MEOX2: variants seen among roughly 807,000 people sequenced by gnomAD.
The protein encoded by MEOX2 is homeobox protein MOX-2.
MEOX2 carries 11 observed loss-of-function variants against 27.0 expected under a neutral mutation model. The ratio of observed to expected loss-of-function variants is 0.41; its 90% CI spans 0.26 to 0.68. The LOEUF is 0.68. Among genes scored for constraint, MEOX2 ranks in the 30% least tolerant of loss-of-function variants. The pLI is 0.33. For synonymous variants in MEOX2, 189 were observed against 155.4 expected, an observed-to-expected ratio of 1.22 and a Z score of -1.61; for missense variants, 436 against 385.4, an observed-to-expected ratio of 1.13 and a Z score of -1.10.
At chr7:15,628,957 A>G (rs2892794) in intron 1 of MEOX2, among the ~76,000 whole-genome samples, 99,717 of 151,948 alleles carry the variant, frequency 0.66, 32,988 homozygotes, top group East Asian at 0.81. Context: ...ACTTTTGCCA[A>G]TTTGGATCCC....
intron 2 of MEOX2, among the ~76,000 whole-genome samples, chr7:15,626,375 C>G (rs898252137): frequency 6.6e-6 from 1 of 151,988 alleles, no homozygotes; most frequent in Admixed American, 6.6e-5. Flanking sequence ...CTGAGCAATA[C>G]AGAAAACTAA....
chr7:15,635,784 C>T lies in MEOX2; in HGVS notation c.518-8866G>A, dbSNP rs556263143. 9.2e-5 allele frequency among the ~76,000 whole-genome samples: 14 copies of T among 152,018 alleles called. No individual in the cohort carries two copies. The South Asian group carries it at 2.3e-3, about 25-fold the overall frequency. ...CACTTTACATTGAAAAATGGTTGGG[C>T]CCCTAAAAGTATCTATGTGTTATTT... On this transcript the variant is annotated intron_variant, in intron 1 of 2. Transcript: ENST00000262041.
chr7:15,682,371 TTA>T, intron 1 of MEOX2, among the ~76,000 whole-genome samples: 1 of 151,938 alleles, frequency 6.6e-6, no homozygotes, highest in South Asian at 2.1e-4. Flanking sequence ...AAGTTCCAAC[TTA>T]TTAAATGTAA....
At chr7:15,625,465 T>C (rs2282933) in intron 2 of MEOX2, among the ~76,000 whole-genome samples, 9,725 of 152,302 alleles carry the variant, frequency 0.064, 380 homozygotes, top group Middle Eastern at 0.13. Flanking sequence ...ATATTTCTAC[T>C]ACCCATAAAT....
At chr7:15,667,512 G>C (rs1308636476) in intron 1 of MEOX2, among the ~76,000 whole-genome samples, 1 of 151,950 alleles carries the variant, frequency 6.6e-6, no homozygotes, top group Non-Finnish European at 1.5e-5. Context: ...GTTCGTCTTA[G>C]TGTACCCAAA....
intron 2 of MEOX2, among the ~76,000 whole-genome samples, chr7:15,626,082 T>G (rs537957649): frequency 6.6e-5 from 10 of 152,116 alleles, no homozygotes; most frequent in Non-Finnish European, 1.5e-4. Flanking sequence ...CCGCACCATT[T>G]GACTATTCTA....
At chr7:15,650,299 C>T (rs973673390) in intron 1 of MEOX2, among the ~76,000 whole-genome samples, 2 of 152,032 alleles carry the variant, frequency 1.3e-5, no homozygotes, top group African/African-American at 4.8e-5. Flanking sequence ...TACCCCATAA[C>T]TTAGTTGCAA....
intron 1 of MEOX2, among the ~76,000 whole-genome samples, chr7:15,664,014 CA>C (rs1266061522): frequency 1.3e-5 from 2 of 152,028 alleles, no homozygotes; most frequent in African/African-American, 4.8e-5. Flanking sequence ...ATTTTGAGTT[CA>C]AATAAAAATT....
intron 1 of MEOX2, among the ~76,000 whole-genome samples, chr7:15,671,880 C>T (rs779835989): frequency 2.6e-5 from 4 of 152,010 alleles, no homozygotes; most frequent in Non-Finnish European, 5.9e-5. Flanking sequence ...AATATGGTCT[C>T]TAATAATTGT....
intron 1 of MEOX2, among the ~76,000 whole-genome samples, chr7:15,636,920 G>A (rs1177274865): frequency 1.3e-5 from 2 of 151,902 alleles, no homozygotes; most frequent in East Asian, 3.9e-4. Context: ...ATCCATTCAT[G>A]GGAGTGAAAT....
chr7:15,629,997 A>AG (rs1781377434), intron 1 of MEOX2, among the ~76,000 whole-genome samples: 4 of 152,018 alleles, frequency 2.6e-5, no homozygotes, highest in African/African-American at 9.7e-5. Flanking sequence ...GTAGGTGCTG[A>AG]GGGGGGAATC....
chr7:15,636,585 A>G (rs1781481434), intron 1 of MEOX2, among the ~76,000 whole-genome samples: 2 of 151,972 alleles, frequency 1.3e-5, no homozygotes, highest in African/African-American at 4.8e-5. Context: ...TGTTTTTTGC[A>G]AAGATTTTCC....
intron 1 of MEOX2, among the ~76,000 whole-genome samples, chr7:15,657,095 T>C (rs1781833979): frequency 2.0e-5 from 3 of 152,204 alleles, no homozygotes. Flanking sequence ...TGTTTCTCTT[T>C]CACTGATTTA....
chr7:15,618,106 A>G (rs983614119), intron 2 of MEOX2, among the ~76,000 whole-genome samples: 1 of 151,982 alleles, frequency 6.6e-6, no homozygotes, highest in African/African-American at 2.4e-5. Context: ...TGGTTCTATG[A>G]TTGATTCCTT....
chr7:15,614,361 TG>T (rs1403864703), intron 2 of MEOX2, among the ~76,000 whole-genome samples: 3 of 151,908 alleles, frequency 2.0e-5, no homozygotes, highest in Non-Finnish European at 4.4e-5. Flanking sequence ...TTGCAGTCAG[TG>T]GTTGTTGCAC....
rs1448634595 is a variant in MEOX2, at chr7:15,667,556, A to T, written c.517+18330T>A. On this transcript the variant is annotated intron_variant, in intron 1 of 2. Transcript: ENST00000262041. Reference sequence around the variant, plus strand: ...CCAAGTCCCTGGAACTTAGGGAATTATGTACAAGTTTATTAATTATGATGC... The same window carrying T: ...CCAAGTCCCTGGAACTTAGGGAATTTTGTACAAGTTTATTAATTATGATGC... Among the ~76,000 whole-genome samples the T allele has an allele frequency of 3.3e-5, 5 of 152,020 alleles. No individual in the cohort carries two copies. The East Asian group carries it at 9.7e-4, about 29-fold the overall frequency.
At chr7:15,678,704 A>G (rs536514363) in intron 1 of MEOX2, among the ~76,000 whole-genome samples, 137 of 152,336 alleles carry the variant, frequency 9.0e-4, no homozygotes, top group African/African-American at 3.1e-3. Context: ...CTTTGCAAAA[A>G]TAAGTTTTCA....
At position 15,627,596 on chromosome 7, in the gene MEOX2, C is replaced by A. The variant is rs1055269564; in HGVS notation, c.518-678G>T. ...TTATATATAAGATAAACATAAGGTG[C>A]ACAACATGTAACATCAGTGATCCAC... is the stretch of plus-strand genomic sequence containing the variant. On this transcript the variant is annotated intron_variant, in intron 1 of 2. Coordinates refer to ENST00000262041, the MANE Select transcript of MEOX2 (RefSeq NM_005924.5). 4.0e-5 allele frequency among the ~76,000 whole-genome samples: 6 copies of A among 151,870 alleles called. No individual in the cohort carries two copies. The South Asian group carries it at 1.2e-3, about 31-fold the overall frequency.
rs567251232 is a variant in MEOX2, at chr7:15,635,673, A to T, written c.518-8755T>A. Among the ~76,000 whole-genome samples, 25 of 151,964 alleles carry T rather than the reference A, an allele frequency of 1.6e-4. 1 individual carries two copies. In the South Asian group the frequency reaches 5.0e-3, roughly 30 times the overall value. ...ATCATGTGTTATAATTAGTTTTTTT[A>T]AAATGTAGGAAAATTTTGTTTTTAA... On this transcript the variant is annotated intron_variant, in intron 1 of 2. Coordinates refer to ENST00000262041, the MANE Select transcript of MEOX2 (RefSeq NM_005924.5).
Sources: allele counts gnomAD v4.1 joint callset (sites outside exome capture counted in the v4.1 genomes callset), GRCh38; gene constraint gnomAD v4.1.1; transcripts MANE v1.5; gene names NCBI Gene and HGNC (gene_info 2026-07-23, HGNC 2026-07-21).